The following ADAMTS16 variants were observed in gnomAD, a reference collection of about 807,000 sequenced individuals.
ADAMTS16 encodes ADAM metallopeptidase with thrombospondin type 1 motif 16.
In ADAMTS16, 94 loss-of-function variants were observed where a neutral mutation model predicts 145.8. The ratio of observed to expected loss-of-function variants is 0.64; its 90% CI spans 0.55 to 0.77. The LOEUF (loss-of-function observed/expected upper bound fraction) is 0.77, where lower values mean the gene tolerates loss of function less well. Among genes scored for constraint, ADAMTS16 ranks in the 30% least tolerant of loss-of-function variants. The pLI, the probability that ADAMTS16 is intolerant of heterozygous loss-of-function variation, is 0.00. For synonymous variants in ADAMTS16, 659 were observed against 604.3 expected, an observed-to-expected ratio of 1.09 and a Z score of -1.33; for missense variants, 1,585 against 1,591.5, an observed-to-expected ratio of 1.00 and a Z score of 0.07.
At chr5:5,298,439 T>C (rs919104963) in intron 18 of ADAMTS16, among the ~76,000 whole-genome samples, 6 of 152,080 alleles carry the variant, frequency 3.9e-5, no homozygotes, top group Non-Finnish European at 2.9e-5. Context: ...TGATGAAGCG[T>C]CCTTTGTCCT....
intron 10 of ADAMTS16, among the ~76,000 whole-genome samples, chr5:5,219,499 G>A (rs891844456): frequency 6.6e-6 from 1 of 152,034 alleles, no homozygotes; most frequent in Non-Finnish European, 1.5e-5. Context: ...TTTTGTCATC[G>A]CAACTCTTTA....
intron 3 of ADAMTS16, among the ~76,000 whole-genome samples, chr5:5,153,265 T>C (rs906474963): frequency 2.6e-5 from 4 of 152,260 alleles, no homozygotes; most frequent in African/African-American, 9.6e-5. Context: ...TGTGTAAATA[T>C]TAAAGCACAT....
intron 10 of ADAMTS16, among the ~76,000 whole-genome samples, chr5:5,220,569 G>C (rs1560954846): frequency 6.6e-6 from 1 of 152,150 alleles, no homozygotes; most frequent in Non-Finnish European, 1.5e-5. Flanking sequence ...CCACACGGCA[G>C]AGCCCTGAAC....
At chr5:5,156,093 T>C in intron 3 of ADAMTS16, among the ~76,000 whole-genome samples, 1 of 152,296 alleles carries the variant, frequency 6.6e-6, no homozygotes, top group African/African-American at 2.4e-5. Flanking sequence ...CCTTAGACTG[T>C]CCGCATTGTG....
chr5:5,276,498 T>C (rs1032991299), intron 18 of ADAMTS16, among the ~76,000 whole-genome samples: 1 of 152,244 alleles, frequency 6.6e-6, no homozygotes, highest in East Asian at 1.9e-4. Flanking sequence ...AAGGAATTTA[T>C]ACAAAGAGCG....
chr5:5,215,441 C>T (rs1002624664), intron 10 of ADAMTS16, among the ~76,000 whole-genome samples: 1 of 152,000 alleles, frequency 6.6e-6, no homozygotes, highest in Non-Finnish European at 1.5e-5. Context: ...GTACCCATCA[C>T]CCAAGCAGTA....
In ADAMTS16 at chr5:5,278,660, T is replaced by C. The variant is rs375352078; in HGVS notation, c.2789+15877T>C. 3.3e-5 allele frequency among the ~76,000 whole-genome samples: 5 copies of C among 152,350 alleles called. No homozygotes were observed. The East Asian group carries it at 9.7e-4, about 29-fold the overall frequency. On this transcript the variant is annotated intron_variant, in intron 18 of 22. Coordinates refer to ENST00000274181, the MANE Select transcript of ADAMTS16 (RefSeq NM_139056.4). Reference sequence around the variant, plus strand: ...TGAGTGTCTACTATGTGTCAGGCCCTTGGGACACCTTAGTGAATAAACAGA... The same window carrying C: ...TGAGTGTCTACTATGTGTCAGGCCCCTGGGACACCTTAGTGAATAAACAGA...
chr5:5,207,678 A>G lies in ADAMTS16; in HGVS notation c.1452-1415A>G, dbSNP rs375309752. ...ATAATGTTAACTATATTTTTTGTAG[A>G]TGGAAGTTCTCCTCTATTCCTAGTT... On this transcript the variant is annotated intron_variant, in intron 9 of 22. Transcript: ENST00000274181. Among the ~76,000 whole-genome samples the G allele has an allele frequency of 1.5e-4, 23 of 150,740 alleles. No homozygotes were observed. In the South Asian group the frequency reaches 3.8e-3, roughly 25 times the overall value.
intron 10 of ADAMTS16, among the ~76,000 whole-genome samples, chr5:5,211,933 T>C (rs1268297070): frequency 7.9e-5 from 12 of 152,200 alleles, no homozygotes; most frequent in Admixed American, 7.9e-4. Context: ...TTGAAATGTA[T>C]TGACACATAT....
chr5:5,164,380 G>A lies in ADAMTS16; in HGVS notation c.502-17664G>A, dbSNP rs565794193. Among the ~76,000 whole-genome samples, 23 of 152,328 alleles carry A rather than the reference G, an allele frequency of 1.5e-4. No individual in the cohort carries two copies. The South Asian group carries it at 2.7e-3, about 18-fold the overall frequency. On this transcript the variant is annotated intron_variant, in intron 3 of 22. Coordinates refer to ENST00000274181, the MANE Select transcript of ADAMTS16 (RefSeq NM_139056.4). ...GTGTTCTGCATAAGTCAAGGGGAGC[G>A]AGTTTGGCACATGACGCCTTCCTGG...
intron 17 of ADAMTS16, 127 bp from the exon 18 acceptor site, chr5:5,262,530 G>T: frequency 1.5e-6 from 2 of 1,322,076 alleles, no homozygotes; most frequent in Non-Finnish European, 2.0e-6. Flanking sequence ...TGGCCAGTTG[G>T]TCATTAACAC....
At chr5:5,149,197 T>C (rs1252157931) in intron 3 of ADAMTS16, among the ~76,000 whole-genome samples, 1 of 152,228 alleles carries the variant, frequency 6.6e-6, no homozygotes, top group East Asian at 1.9e-4. Flanking sequence ...TGCCACCAAG[T>C]ATCTTGACTT....
Position 5,303,462 on chromosome 5 carries a change from G to A in ADAMTS16, c.2984G>A (p.Trp995Ter). 1 of 1,610,380 alleles carries A rather than the reference G, an allele frequency of 6.2e-7. No individual in the cohort carries two copies. Among genetic ancestry groups the A allele is most frequent in the East Asian group, 2.2e-5 (1 of 44,806 alleles). The change falls in exon 19 of 23, where the codon TGG (tryptophan) becomes TAG (stop). Residue 995 changes from tryptophan to a stop codon, truncating the protein, a stop_gained. Coordinates refer to ENST00000274181, the MANE Select transcript of ADAMTS16 (RefSeq NM_139056.4). LOFTEE classifies it high-confidence loss of function. ...SCPPAWSAGPWAECSHTCGKG... is the reference protein window; with the variant it reads ...SCPPAWSAGP Reference sequence around the variant, plus strand: ...CCACCTGCATGGAGCGCCGGGCCCTGGGCAGAGGTAACCAGGGTGGGGTTG... The same window carrying A: ...CCACCTGCATGGAGCGCCGGGCCCTAGGCAGAGGTAACCAGGGTGGGGTTG...
At chr5:5,253,222 G>A (rs970466011) in intron 17 of ADAMTS16, among the ~76,000 whole-genome samples, 8 of 152,192 alleles carry the variant, frequency 5.3e-5, no homozygotes, top group Non-Finnish European at 8.8e-5. Flanking sequence ...GTCCAAGGTG[G>A]TCAGTGGTGC....
intron 18 of ADAMTS16, among the ~76,000 whole-genome samples, chr5:5,288,843 C>G (rs1739195517): frequency 6.6e-6 from 1 of 152,194 alleles, no homozygotes; most frequent in South Asian, 2.1e-4. Context: ...CACTGGGCTC[C>G]CTTCCTGATC....
intron 9 of ADAMTS16, among the ~76,000 whole-genome samples, chr5:5,203,870 G>T (rs1736019230): frequency 1.3e-5 from 2 of 152,174 alleles, no homozygotes; most frequent in South Asian, 4.1e-4. Context: ...AACTTGGAGT[G>T]TAAGCGGCGC....
intron 18 of ADAMTS16, among the ~76,000 whole-genome samples, chr5:5,296,150 T>C (rs1739520597): frequency 6.6e-6 from 1 of 152,228 alleles, no homozygotes; most frequent in South Asian, 2.1e-4. Flanking sequence ...CCTTTGGTTC[T>C]GGGTGGGTCC....
Position 5,262,746 on chromosome 5 carries a change from G to T in ADAMTS16, c.2752G>T (p.Gly918Trp). ...FCNPKTRPVT[G>W]LVPCKVSACP... ...CAATCCCAAGACACGACCTGTCACG[G>T]GGCTGGTGCCTTGCAAAGTATCTGC... Residue 918 changes from glycine to tryptophan, a missense_variant, in exon 18 of 23, where the codon GGG becomes TGG. This residue lies in a region of ADAMTS16 where 834 missense variants were observed against 811.7 expected (regional missense o/e 1.03). Coordinates refer to ENST00000274181, the MANE Select transcript of ADAMTS16 (RefSeq NM_139056.4). 1 of 1,614,214 alleles carries T rather than the reference G, an allele frequency of 6.2e-7. No individual in the cohort carries two copies. The highest frequency in any genetic ancestry group is 1.1e-5 in the South Asian group (1 of 91,078).
At position 5,303,292 on chromosome 5, in the gene ADAMTS16, C is replaced by T; in HGVS notation, c.2814C>T (p.Ala938=). Residue 938 remains alanine (A), a synonymous_variant, in exon 19 of 23, where the codon GCC becomes GCT. Coordinates refer to ENST00000274181, the MANE Select transcript of ADAMTS16 (RefSeq NM_139056.4). ...GCTGGTCCGTGGGGAACTGGAGTGC[C>T]TGCAGTCGGACGTGTGGCGGGGGTG... The part of the protein sequence containing the change: ...PPSWSVGNWS[A]CSRTCGGGAQ... 3.1e-6 allele frequency: 5 copies of T among 1,587,832 alleles called. No individual in the cohort carries two copies. The highest frequency in any genetic ancestry group is 3.4e-6 in the Non-Finnish European group (4 of 1,164,746).
Sources: gnomAD v4.1 joint callset for allele counts (sites outside exome capture counted in the v4.1 genomes callset) on GRCh38, gnomAD v4.1.1 for gene constraint, gnomAD v4.1.1 regional missense constraint, MANE v1.5 for transcripts, NCBI Gene and HGNC (gene_info 2026-07-23, HGNC 2026-07-21) for gene names.